ABCC11: variants seen among roughly 807,000 people sequenced by gnomAD.
The protein encoded by ABCC11 is ATP binding cassette subfamily C member 11.
Under a neutral mutation model 149.3 loss-of-function variants are expected in ABCC11, and 135 were observed. The observed-to-expected ratio is 0.90, with a 90% CI of 0.79 to 1.04. The LOEUF (loss-of-function observed/expected upper bound fraction) is 1.04, where lower values mean the gene tolerates loss of function less well. Ranked by LOEUF, ABCC11 falls within the 50% of genes least tolerant of loss-of-function variation. The pLI, the probability that ABCC11 is intolerant of heterozygous loss-of-function variation, is 0.00. For synonymous variants in ABCC11, 665 were observed against 671.4 expected (o/e 0.99, Z 0.15); for missense variants, 1,680 against 1,722.1 (o/e 0.98, Z 0.43).
At chr16:48,232,119 A>C in intron 1 of ABCC11, 180 bp from the exon 2 acceptor site, 1 of 1,340,292 alleles carries the variant, frequency 7.5e-7, no homozygotes. Flanking sequence ...CTTTTTAAAC[A>C]TCTTCTCAGG....
intron 3 of ABCC11, among the ~76,000 whole-genome samples, chr16:48,229,453 C>CTTTTT (rs940739382): frequency 1.2e-4 from 14 of 119,074 alleles, no homozygotes; most frequent in African/African-American, 3.4e-4. Context: ...AGGCTGGTAA[C>CTTTTT]TTTTTTTTTT....
At chr16:48,205,753 A>G (rs944397483) in intron 12 of ABCC11, among the ~76,000 whole-genome samples, 2 of 151,916 alleles carry the variant, frequency 1.3e-5, no homozygotes, top group Non-Finnish European at 2.9e-5. Flanking sequence ...AAGCCCAGCC[A>G]GGTCCTGCTT....
intron 25 of ABCC11, 106 bp downstream of exon 25, chr16:48,176,818 A>C: frequency 7.7e-7 from 1 of 1,306,362 alleles, no homozygotes; most frequent in South Asian, 1.5e-5. Context: ...ATGAGGACCT[A>C]ATACATATTT....
chr16:48,175,475 C>T, intron 25 of ABCC11, 58 bp from the exon 26 acceptor site: 1 of 1,548,854 alleles, frequency 6.5e-7, no homozygotes, highest in Middle Eastern at 2.0e-4. Flanking sequence ...AGCGGAAGCA[C>T]AGATCGCACC....
intron 20 of ABCC11, among the ~76,000 whole-genome samples, chr16:48,189,897 A>C (rs901031142): frequency 1.3e-5 from 2 of 152,016 alleles, no homozygotes; most frequent in African/African-American, 4.8e-5. Context: ...GCCGCTCCTC[A>C]CCTCCTGCGT....
At position 48,169,881 on chromosome 16, in the gene ABCC11, G is replaced by A. The variant is rs924991786; in HGVS notation, c.3891+224C>T. ...GTATACATATGTAACAAACCTGCAC[G>A]TTGTGCACATGTACCCTAGAACTTA... On this transcript the variant is annotated intron_variant, in intron 28 of 29. Coordinates refer to ENST00000356608, the MANE Select transcript of ABCC11 (RefSeq NM_001370497.1). Among the ~76,000 whole-genome samples the A allele has an allele frequency of 5.3e-5, 8 of 152,186 alleles. No individual in the cohort carries two copies. In the East Asian group the frequency reaches 5.8e-4, roughly 11 times the overall value.
chr16:48,215,457 G>T, intron 7 of ABCC11, 113 bp from the exon 8 acceptor site: 1 of 1,279,464 alleles, frequency 7.8e-7, no homozygotes, highest in South Asian at 1.5e-5. Flanking sequence ...CCAAAGAGAG[G>T]TTTTCCAATC....
chr16:48,190,995 G>T (rs1966881492), intron 20 of ABCC11, among the ~76,000 whole-genome samples: 3 of 152,188 alleles, frequency 2.0e-5, no homozygotes, highest in African/African-American at 7.2e-5. Context: ...ATCAGTGGTT[G>T]CTGGGAGTTT....
chr16:48,202,594 G>A (rs113233923), intron 14 of ABCC11, among the ~76,000 whole-genome samples: 3,923 of 148,666 alleles, frequency 0.026, 175 homozygotes, highest in African/African-American at 0.092. Flanking sequence ...CTGGGTGACA[G>A]ACAGAGAACA....
At chr16:48,177,489 C>T (rs866070656) in intron 24 of ABCC11, among the ~76,000 whole-genome samples, 2 of 152,354 alleles carry the variant, frequency 1.3e-5, no homozygotes, top group African/African-American at 4.8e-5. Context: ...TCTCTCTATC[C>T]TCATCCTATG....
At chr16:48,173,380 C>T (rs1423815072) in intron 26 of ABCC11, among the ~76,000 whole-genome samples, 4 of 152,292 alleles carry the variant, frequency 2.6e-5, no homozygotes, top group Non-Finnish European at 4.4e-5. Flanking sequence ...CTCTAAGTTC[C>T]GTGCCTTCAT....
At chr16:48,181,618 T>C (rs1189696870) in intron 23 of ABCC11, among the ~76,000 whole-genome samples, 2 of 151,888 alleles carry the variant, frequency 1.3e-5, no homozygotes, top group East Asian at 3.9e-4. Context: ...GTTCTTTTTT[T>C]TTTTTTTTCT....
intron 11 of ABCC11, chr16:48,210,049 T>C (rs1968788769): frequency 6.6e-6 from 1 of 151,926 alleles, no homozygotes; most frequent in Middle Eastern, 3.4e-3. Flanking sequence ...GCCTTGCTGG[T>C]GGATTGGATT....
At chr16:48,232,052 G>T in intron 1 of ABCC11, 113 bp from the exon 2 acceptor site, 2 of 1,505,836 alleles carry the variant, frequency 1.3e-6, no homozygotes, top group East Asian at 2.3e-5. Flanking sequence ...GCATATTGGG[G>T]CCATGCAGAG....
intron 1 of ABCC11, among the ~76,000 whole-genome samples, chr16:48,237,905 G>A (rs1255359495): frequency 6.6e-6 from 1 of 152,146 alleles, no homozygotes; most frequent in Non-Finnish European, 1.5e-5. Flanking sequence ...CAGTTCAAAT[G>A]TCGTCTTTTC....
intron 4 of ABCC11, among the ~76,000 whole-genome samples, chr16:48,224,749 G>A (rs1019331075): frequency 5.9e-5 from 9 of 152,274 alleles, no homozygotes; most frequent in Non-Finnish European, 1.2e-4. Context: ...AGGGCCAGGC[G>A]CAGTGGCTCA....
Position 48,167,464 on chromosome 16 carries a change from T to C in ABCC11, c.4056+32A>G, listed in dbSNP as rs747332740. 7 of 1,613,032 alleles carry C rather than the reference T, an allele frequency of 4.3e-6. No homozygotes were observed. The Admixed American group carries it at 1.2e-4, about 27-fold the overall frequency. On this transcript the variant is annotated intron_variant, in intron 29 of 29. Coordinates refer to ENST00000356608, the MANE Select transcript of ABCC11 (RefSeq NM_001370497.1). ...TCTGGGGTAGCAGCCTGAGCCCTCA[T>C]CCTCCCACCAGCCCAAGGACGCAGC...
chr16:48,237,033 C>A (rs772084552), intron 1 of ABCC11, among the ~76,000 whole-genome samples: 1 of 152,128 alleles, frequency 6.6e-6, no homozygotes, highest in Non-Finnish European at 1.5e-5. Flanking sequence ...AAAATTGCAA[C>A]CTCCGGCATA....
intron 20 of ABCC11, 93 bp from the exon 21 acceptor site, chr16:48,187,520 C>T: frequency 9.1e-7 from 1 of 1,097,858 alleles, no homozygotes; most frequent in South Asian, 1.4e-5. Flanking sequence ...CTCTAAAGAG[C>T]CACGGATCCC....
Sources: allele counts gnomAD v4.1 joint callset (sites outside exome capture counted in the v4.1 genomes callset), GRCh38; gene constraint gnomAD v4.1.1; transcripts MANE v1.5; gene names NCBI Gene and HGNC (gene_info 2026-07-23, HGNC 2026-07-21).